Variants in VPS13B observed in about 807,000 individuals in gnomAD.
VPS13B encodes the protein intermembrane lipid transfer protein VPS13B.
VPS13B carries 285 observed loss-of-function variants against 426.4 expected under a neutral mutation model. The ratio of observed to expected loss-of-function variants is 0.67; its 90% CI spans 0.61 to 0.74. The LOEUF (loss-of-function observed/expected upper bound fraction) is 0.74, where lower values mean the gene tolerates loss of function less well. Among genes scored for constraint, VPS13B ranks in the 30% least tolerant of loss-of-function variants. VPS13B has a pLI of 0.00. For missense variants in VPS13B, 4,537 were observed against 4,782.6 expected (o/e 0.95, Z 1.51); for synonymous variants, 1,676 against 1,676.4 (o/e 1.00, Z 0.01).
intron 39 of VPS13B, among the ~76,000 whole-genome samples, chr8:99,740,980 C>A (rs971930827): frequency 6.6e-6 from 1 of 152,204 alleles, no homozygotes; most frequent in South Asian, 2.1e-4. Context: ...ACAATATTAA[C>A]CTTAAATGTA....
chr8:99,419,887 G>A (rs191635863), intron 21 of VPS13B, among the ~76,000 whole-genome samples: 15 of 152,210 alleles, frequency 9.9e-5, no homozygotes, highest in Non-Finnish European at 1.9e-4. Context: ...GAAATAAATA[G>A]ATAAAAGAAA....
intron 17 of VPS13B, among the ~76,000 whole-genome samples, chr8:99,212,924 G>A (rs1410997397): frequency 6.6e-6 from 1 of 152,054 alleles, no homozygotes; most frequent in African/African-American, 2.4e-5. Flanking sequence ...TCATATGCCT[G>A]TTTTCATATA....
At chr8:99,753,571 T>C (rs965755517) in intron 39 of VPS13B, among the ~76,000 whole-genome samples, 1 of 152,210 alleles carries the variant, frequency 6.6e-6, no homozygotes, top group Non-Finnish European at 1.5e-5. Context: ...ATTCTTTCTC[T>C]TTAAGGAAAA....
intron 19 of VPS13B, among the ~76,000 whole-genome samples, chr8:99,355,406 C>T (rs772932481): frequency 1.6e-4 from 24 of 152,276 alleles, no homozygotes; most frequent in Admixed American, 5.2e-4. Flanking sequence ...TCCTGGCCAA[C>T]ATGGTGAAAC....
intron 19 of VPS13B, chr8:99,340,382 C>T: frequency 2.4e-6 from 1 of 421,536 alleles, no homozygotes; most frequent in Non-Finnish European, 4.7e-6. Flanking sequence ...GGGAAGAAAT[C>T]ATCATGGTAT....
At chr8:99,196,757 A>G (rs1813959859) in intron 17 of VPS13B, among the ~76,000 whole-genome samples, 1 of 152,110 alleles carries the variant, frequency 6.6e-6, no homozygotes, top group Non-Finnish European at 1.5e-5. Context: ...TACGTATAAG[A>G]TCATATTGTC....
At chr8:99,234,756 A>G (rs1420808093) in intron 17 of VPS13B, among the ~76,000 whole-genome samples, 1 of 152,260 alleles carries the variant, frequency 6.6e-6, no homozygotes, top group Non-Finnish European at 1.5e-5. Flanking sequence ...TTAATGTACA[A>G]GCATTAATAA....
At chr8:99,873,799 C>CT (rs1407470161) in intron 61 of VPS13B, among the ~76,000 whole-genome samples, 1 of 152,192 alleles carries the variant, frequency 6.6e-6, no homozygotes, top group Non-Finnish European at 1.5e-5. Flanking sequence ...GCAGCACTGC[C>CT]TTGTCAGTGA....
chr8:99,442,760 A>C, intron 23 of VPS13B, 125 bp downstream of exon 23: 1 of 913,316 alleles, frequency 1.1e-6, no homozygotes. Context: ...TTTCCTGACC[A>C]AAGTAAGTGA....
intron 9 of VPS13B, 35 bp from the exon 10 acceptor site, chr8:99,134,980 A>G: frequency 6.2e-7 from 1 of 1,612,230 alleles, no homozygotes; most frequent in Non-Finnish European, 8.5e-7. Flanking sequence ...TATTAAATTC[A>G]ATTCTTAGTT....
intron 17 of VPS13B, among the ~76,000 whole-genome samples, chr8:99,265,969 A>C (rs1818273990): frequency 6.6e-6 from 1 of 152,166 alleles, no homozygotes; most frequent in Admixed American, 6.5e-5. Context: ...CCTTAAAATA[A>C]TTTCTTAATA....
At chr8:99,828,778 T>G (rs1029508032) in intron 51 of VPS13B, among the ~76,000 whole-genome samples, 1 of 152,198 alleles carries the variant, frequency 6.6e-6, no homozygotes, top group African/African-American at 2.4e-5. Flanking sequence ...TCAAGAGCTC[T>G]TGTAAGGCAG....
chr8:99,614,468 G>C (rs1318564161), intron 33 of VPS13B, among the ~76,000 whole-genome samples: 3 of 151,852 alleles, frequency 2.0e-5, no homozygotes, highest in Admixed American at 6.6e-5. Flanking sequence ...AGAGAGATGG[G>C]GTTTCTGCAT....
intron 34 of VPS13B, among the ~76,000 whole-genome samples, chr8:99,658,213 G>C (rs1830090941): frequency 6.6e-6 from 1 of 152,110 alleles, no homozygotes; most frequent in East Asian, 1.9e-4. Flanking sequence ...TACCATATGT[G>C]TTTAAAAAGT....
chr8:99,051,066 T>C (rs1163417520), intron 3 of VPS13B, among the ~76,000 whole-genome samples: 1 of 152,206 alleles, frequency 6.6e-6, no homozygotes, highest in African/African-American at 2.4e-5. Context: ...TGGCTTTTGT[T>C]GCCATTGCTT....
At chr8:99,439,606 T>C (rs1817581031) in intron 22 of VPS13B, among the ~76,000 whole-genome samples, 1 of 152,156 alleles carries the variant, frequency 6.6e-6, no homozygotes, top group African/African-American at 2.4e-5. Context: ...ATGCAAAATA[T>C]AATTATCACT....
chr8:99,686,011 C>T (rs756582574), intron 35 of VPS13B, among the ~76,000 whole-genome samples: 20 of 152,224 alleles, frequency 1.3e-4, no homozygotes, highest in African/African-American at 3.9e-4. Context: ...TCCAGGTATA[C>T]GAAGAGACTT....
intron 43 of VPS13B, among the ~76,000 whole-genome samples, chr8:99,791,188 G>A (rs1490425538): frequency 1.3e-5 from 2 of 152,158 alleles, no homozygotes; most frequent in Non-Finnish European, 2.9e-5. Context: ...AAAAATTGCA[G>A]AAGAGATATG....
chr8:99,516,214 G>A (rs1338796100), intron 29 of VPS13B, among the ~76,000 whole-genome samples: 1 of 152,062 alleles, frequency 6.6e-6, no homozygotes, highest in Non-Finnish European at 1.5e-5. Flanking sequence ...GAAAAGGTCA[G>A]AAAACAAATT....
Sources: gnomAD v4.1 joint callset for allele counts (sites outside exome capture counted in the v4.1 genomes callset) on GRCh38, gnomAD v4.1.1 for gene constraint, MANE v1.5 for transcripts, NCBI Gene and HGNC (gene_info 2026-07-23, HGNC 2026-07-21) for gene names.